ALK: variants seen among roughly 807,000 people sequenced by gnomAD.
The protein encoded by ALK is ALK receptor tyrosine kinase.
Under a neutral mutation model 163.1 loss-of-function variants are expected in ALK, and 74 were observed. That is an observed-to-expected ratio of 0.45 (90% CI 0.38 to 0.55). ALK has a LOEUF of 0.55. Among genes scored for constraint, ALK ranks in the 20% least tolerant of loss-of-function variants. The pLI is 0.00. For synonymous variants in ALK, 960 were observed against 843.2 expected (o/e 1.14, Z -2.40); for missense variants, 2,063 against 2,105.3 (o/e 0.98, Z 0.39).
intron 8 of ALK, among the ~76,000 whole-genome samples, chr2:29,315,130 A>G (rs1385315423): frequency 6.6e-6 from 1 of 152,166 alleles, no homozygotes; most frequent in Non-Finnish European, 1.5e-5. Flanking sequence ...AAAGAAAACC[A>G]AAACCACAGC....
intron 14 of ALK, 31 bp from the exon 15 acceptor site, chr2:29,232,479 A>C: frequency 1.2e-6 from 2 of 1,613,966 alleles, no homozygotes. Flanking sequence ...GACATTGAGA[A>C]ACCGAGCTGT....
chr2:29,906,756 T>C (rs1667558224), intron 1 of ALK, among the ~76,000 whole-genome samples: 1 of 152,204 alleles, frequency 6.6e-6, no homozygotes, highest in Admixed American at 6.5e-5. Context: ...CACATTATAG[T>C]GAGGACTAAA....
Position 29,754,277 on chromosome 2 carries a change from G to C in ALK, c.668-36580C>G, listed in dbSNP as rs966114139. Among the ~76,000 whole-genome samples, 5 of 152,278 alleles carry C rather than the reference G, an allele frequency of 3.3e-5. No homozygotes were observed. The South Asian group carries it at 1.0e-3, about 32-fold the overall frequency. ...TCCAAGGGTGGCCACAGCAAGTTCA[G>C]CAGGATGCAGAATATAGCAGCCTTT... On this transcript the variant is annotated intron_variant, in intron 1 of 28. Transcript: ENST00000389048.
rs767442144 is a variant in ALK, at chr2:29,531,920, C to G, written c.1149G>C (p.Lys383Asn). Reference sequence around the variant, plus strand: ...GGACATGGAGAAGTACTTACCCATGCTTCCCTGGAGTGGGCATCAGGAGGA... The same window carrying G: ...GGACATGGAGAAGTACTTACCCATGGTTCCCTGGAGTGGGCATCAGGAGGA... Reference protein sequence around the residue: ...REILLMPTPGKHGWTVLQGRI... With the variant: ...REILLMPTPGNHGWTVLQGRI... Residue 383 changes from lysine (K) to asparagine (N), a missense_variant, in exon 4 of 29, where the codon AAG becomes AAC. Transcript: ENST00000389048. The G allele has an allele frequency of 1.9e-6, 3 of 1,614,004 alleles. No individual in the cohort carries two copies. The highest frequency in any genetic ancestry group is 2.5e-6 in the Non-Finnish European group (3 of 1,180,018).
intron 4 of ALK, among the ~76,000 whole-genome samples, chr2:29,427,089 T>TA (rs1279450737): frequency 7.1e-5 from 8 of 112,134 alleles, no homozygotes; most frequent in Non-Finnish European, 1.1e-4. Flanking sequence ...AATAGGTATA[T>TA]AATTGTATTG....
chr2:29,739,557 CAAAA>C (rs111281224), intron 1 of ALK, among the ~76,000 whole-genome samples: 6 of 71,848 alleles, frequency 8.4e-5, no homozygotes, highest in Admixed American at 1.6e-4. Flanking sequence ...GAATCTGTCT[CAAAA>C]AAAAAAAAAA....
intron 4 of ALK, among the ~76,000 whole-genome samples, chr2:29,388,200 G>A (rs1452423103): frequency 6.6e-6 from 1 of 152,200 alleles, no homozygotes; most frequent in Non-Finnish European, 1.5e-5. Context: ...CCGCTGATGA[G>A]TTTGAAAGGT....
intron 1 of ALK, among the ~76,000 whole-genome samples, chr2:29,874,434 C>A (rs1292340943): frequency 6.6e-6 from 1 of 152,176 alleles, no homozygotes; most frequent in Non-Finnish European, 1.5e-5. Flanking sequence ...TTGAGAAGAA[C>A]TCAGACAACA....
intron 9 of ALK, among the ~76,000 whole-genome samples, chr2:29,278,997 C>T (rs111310691): frequency 6.6e-6 from 1 of 151,874 alleles, no homozygotes; most frequent in Admixed American, 6.5e-5. Flanking sequence ...GGGACAGAAT[C>T]GCGGCTATCC....
At chr2:29,906,312 T>C (rs1667548631) in intron 1 of ALK, among the ~76,000 whole-genome samples, 1 of 151,988 alleles carries the variant, frequency 6.6e-6, no homozygotes, top group Admixed American at 6.6e-5. Context: ...ATAAATCCCA[T>C]GCGGGCAAAG....
intron 3 of ALK, among the ~76,000 whole-genome samples, chr2:29,541,594 C>T (rs13010035): frequency 0.24 from 36,614 of 152,140 alleles, 4,975 homozygotes; most frequent in South Asian, 0.36. Context: ...CATGGCCAAA[C>T]ATGTGAAACT....
chr2:29,861,410 A>C (rs573796676), intron 1 of ALK, among the ~76,000 whole-genome samples: 18 of 152,296 alleles, frequency 1.2e-4, no homozygotes, highest in African/African-American at 4.3e-4. Context: ...ACTATGAAAA[A>C]AGAGAAGACT....
At chr2:29,220,319 C>T (rs1669766736) in intron 23 of ALK, among the ~76,000 whole-genome samples, 1 of 152,126 alleles carries the variant, frequency 6.6e-6, no homozygotes, top group African/African-American at 2.4e-5. Context: ...TGCCTCCTTC[C>T]CCTTCACCTT....
intron 3 of ALK, among the ~76,000 whole-genome samples, chr2:29,582,057 A>G (rs1674712493): frequency 6.6e-6 from 1 of 152,188 alleles, no homozygotes; most frequent in Non-Finnish European, 1.5e-5. Context: ...CACTGTACAA[A>G]GCATGGGGCC....
intron 4 of ALK, among the ~76,000 whole-genome samples, chr2:29,472,748 A>T (rs1166437995): frequency 6.6e-6 from 1 of 152,248 alleles, no homozygotes; most frequent in African/African-American, 2.4e-5. Flanking sequence ...GAAAAAATGA[A>T]TCTTTAAAAA....
Position 29,905,570 on chromosome 2 carries a change from G to A in ALK, c.667+14423C>T, listed in dbSNP as rs140332009. 4.3e-3 allele frequency among the ~76,000 whole-genome samples: 649 copies of A among 151,598 alleles called. 2 individuals carry two copies. Among genetic ancestry groups the A allele is most frequent in the Middle Eastern group, 6.8e-3 (2 of 294 alleles). ...GGGAAAGGGAAAAGGAAAGGGAAAG[G>A]GAAGGGAAGGGGCAAGGAAAGAAGG... is the stretch of plus-strand genomic sequence containing the variant. On this transcript the variant is annotated intron_variant, in intron 1 of 28. Transcript: ENST00000389048.
intron 4 of ALK, among the ~76,000 whole-genome samples, chr2:29,395,479 T>TCAGA (rs1158309214): frequency 6.6e-6 from 1 of 152,110 alleles, no homozygotes; most frequent in Non-Finnish European, 1.5e-5. Context: ...TGGTTGGAAC[T>TCAGA]CAGAACATGA....
At position 29,830,712 on chromosome 2, in the gene ALK, TTAAAAAAAAAAAAAAAAAAAAAAA is replaced by T. The variant is rs1156617206; in HGVS notation, c.667+89257_667+89280del. Among the ~76,000 whole-genome samples the T allele has an allele frequency of 2.2e-4, 14 of 63,512 alleles. 2 individuals are homozygous for T. The highest frequency in any genetic ancestry group is 3.2e-4 in the Non-Finnish European group (11 of 34,918). 41.7% of individuals were successfully genotyped at this position (63,512 alleles called of 152,430 possible). A position where few individuals can be genotyped will look rare whatever the true frequency, so the allele number is the denominator to read the frequency against. ...AGCAAGACCCTGTCTCTAAAATAGT[TTAAAAAAAAAAAAAAAAAAAAAAA>T]AAAAAAAAAAAAAAAAACTTAGCCA... On this transcript the variant is annotated intron_variant, in intron 1 of 28. Coordinates refer to ENST00000389048, the MANE Select transcript of ALK (RefSeq NM_004304.5).
chr2:29,618,437 G>T (rs1316243791), intron 3 of ALK, among the ~76,000 whole-genome samples: 1 of 151,678 alleles, frequency 6.6e-6, no homozygotes, highest in Non-Finnish European at 1.5e-5. Context: ...ACAAATTAAG[G>T]TGAGTGGGCA....
Sources: gnomAD v4.1 joint callset for allele counts (sites outside exome capture counted in the v4.1 genomes callset) on GRCh38, gnomAD v4.1.1 for gene constraint, MANE v1.5 for transcripts, NCBI Gene and HGNC (gene_info 2026-07-23, HGNC 2026-07-21) for gene names.